ADGRL2: variants seen among roughly 807,000 people sequenced by gnomAD.
ADGRL2 encodes the protein adhesion G protein-coupled receptor L2.
A neutral mutation model predicts 157.4 loss-of-function variants in ADGRL2; 44 were observed. The observed-to-expected ratio is 0.28, with a 90% CI of 0.22 to 0.36. The LOEUF is 0.36. Ranked by LOEUF, ADGRL2 falls within the 10% of genes least tolerant of loss-of-function variation. ADGRL2 has a pLI of 1.00. For synonymous variants in ADGRL2, 585 were observed against 624.7 expected (o/e 0.94, Z 0.95); for missense variants, 1,510 against 1,768.9 (o/e 0.85, Z 2.63).
intron 3 of ADGRL2, among the ~76,000 whole-genome samples, chr1:81,664,540 A>C (rs538491728): frequency 4.1e-4 from 62 of 152,290 alleles, no homozygotes; most frequent in African/African-American, 1.5e-3. Flanking sequence ...CCTTTTTGTG[A>C]ATCAAATTCT....
intron 2 of ADGRL2, among the ~76,000 whole-genome samples, chr1:81,551,917 G>A (rs923799177): frequency 6.6e-6 from 1 of 152,186 alleles, no homozygotes; most frequent in African/African-American, 2.4e-5. Context: ...TAACTGAAAT[G>A]TATTAGTGGG....
rs2076572970 is a variant in ADGRL2 at position 81,392,228 on chromosome 1, A to AG, written c.-301-52808_-301-52807insG. Among the ~76,000 whole-genome samples, 6 of 9,216 alleles carry AG rather than the reference A, an allele frequency of 6.5e-4. No homozygotes were observed. In the South Asian group the frequency reaches 0.022, roughly 33 times the overall value. The allele number at this position is 9,216 out of a possible 152,430, so 6.0% of individuals were successfully genotyped here. On this transcript the variant is annotated intron_variant, in intron 1 of 24. Coordinates refer to the ADGRL2 transcript ENST00000370721. ...ACACTTCCTCCTACCCCATCCCCAC[A>AG]AAAAAAAAAACAAAGAAGCAACATT...
At chr1:81,888,419 A>G (rs1337289488) in intron 2 of ADGRL2, among the ~76,000 whole-genome samples, 1 of 152,052 alleles carries the variant, frequency 6.6e-6, no homozygotes, top group Non-Finnish European at 1.5e-5. Flanking sequence ...AGCTTTGTAG[A>G]TATTGCATTG....
At chr1:81,390,882 A>T (rs528214944) in intron 1 of ADGRL2, among the ~76,000 whole-genome samples, 3 of 152,420 alleles carry the variant, frequency 2.0e-5, no homozygotes, top group South Asian at 4.1e-4. Context: ...TATTGCAAAG[A>T]TGCTGCCACA....
intron 2 of ADGRL2, among the ~76,000 whole-genome samples, chr1:81,905,373 C>T (rs185139304): frequency 2.0e-5 from 3 of 152,156 alleles, no homozygotes; most frequent in Non-Finnish European, 4.4e-5. Context: ...GCTGGGATTA[C>T]AAGCGTGAAC....
chr1:81,769,547 G>T (rs2149340135), intron 2 of ADGRL2, among the ~76,000 whole-genome samples: 1 of 151,694 alleles, frequency 6.6e-6, no homozygotes, highest in Non-Finnish European at 1.5e-5. Flanking sequence ...TGGTCAATTT[G>T]TCTATCCCTT....
At position 81,378,589 on chromosome 1, in the gene ADGRL2, C is replaced by G. The variant is rs576256394; in HGVS notation, c.-301-66447C>G. On this transcript the variant is annotated intron_variant, in intron 1 of 24. Transcript: ENST00000370721. ...CTTAAAAAAAAAAAAAAAAAAAAGC[C>G]CCGGTTCAAACTGTAGTTCTGTTGT... Among the ~76,000 whole-genome samples, 172 of 134,692 alleles carry G rather than the reference C, an allele frequency of 1.3e-3. 3 individuals are homozygous for G. The highest frequency in any genetic ancestry group is 0.011 in the South Asian group (42 of 3,960). 88.4% of individuals were successfully genotyped at this position (134,692 alleles called of 152,430 possible).
At chr1:81,774,789 T>A (rs1321376182) in intron 2 of ADGRL2, among the ~76,000 whole-genome samples, 1 of 152,090 alleles carries the variant, frequency 6.6e-6, no homozygotes, top group East Asian at 1.9e-4. Context: ...ATTTTCTTGT[T>A]GAAGTTATGT....
intron 1 of ADGRL2, among the ~76,000 whole-genome samples, chr1:81,743,394 T>TG (rs1491409886): frequency 1.5e-4 from 3 of 20,084 alleles, no homozygotes; most frequent in Non-Finnish European, 2.9e-4. Context: ...TAACAGAAGG[T>TG]TTTTTTTTTT....
chr1:81,444,389 T>C (rs767527787), intron 1 of ADGRL2, among the ~76,000 whole-genome samples: 2 of 152,216 alleles, frequency 1.3e-5, no homozygotes, highest in African/African-American at 2.4e-5. Context: ...AGCCATTTTA[T>C]GTTTTTACAT....
chr1:81,788,671 A>G (rs11163376), intron 2 of ADGRL2, among the ~76,000 whole-genome samples: 135,500 of 152,230 alleles, frequency 0.89, 60,453 homozygotes, highest in East Asian at 0.97. Context: ...GCTAATATAC[A>G]CCAAATGCTG....
intron 2 of ADGRL2, among the ~76,000 whole-genome samples, chr1:81,547,072 A>G (rs1487024415): frequency 6.6e-6 from 1 of 152,134 alleles, no homozygotes; most frequent in Non-Finnish European, 1.5e-5. Flanking sequence ...TCTACCGTGA[A>G]TGGCTTCATT....
upstream of ADGRL2, among the ~76,000 whole-genome samples, chr1:81,796,071 A>G (rs984450497): frequency 6.6e-6 from 1 of 151,994 alleles, no homozygotes; most frequent in African/African-American, 2.4e-5. Flanking sequence ...GCTCACTGCA[A>G]CCTCTGACCC....
intron 1 of ADGRL2, among the ~76,000 whole-genome samples, chr1:81,321,692 G>A (rs1391131527): frequency 1.3e-5 from 2 of 152,072 alleles, no homozygotes; most frequent in East Asian, 3.9e-4. Flanking sequence ...GGCTCATGGT[G>A]TTCCTGAAGA....
intron 1 of ADGRL2, among the ~76,000 whole-genome samples, chr1:81,823,332 C>A (rs945061957): frequency 1.3e-5 from 2 of 149,456 alleles, no homozygotes; most frequent in African/African-American, 4.9e-5. Context: ...TCCTTCCTTC[C>A]TTCCTTCTTC....
intron 3 of ADGRL2, among the ~76,000 whole-genome samples, chr1:81,610,474 A>G (rs2081519614): frequency 6.6e-6 from 1 of 152,196 alleles, no homozygotes; most frequent in South Asian, 2.1e-4. Context: ...GAAGGAGGGC[A>G]GATGGGATCA....
At chr1:81,711,056 C>T (rs1419327953) in intron 1 of ADGRL2, among the ~76,000 whole-genome samples, 3 of 152,240 alleles carry the variant, frequency 2.0e-5, no homozygotes, top group East Asian at 3.9e-4. Context: ...CATATGTCAG[C>T]ATATTTCATG....
At chr1:81,462,946 T>A (rs2077970102) in intron 2 of ADGRL2, among the ~76,000 whole-genome samples, 1 of 151,174 alleles carries the variant, frequency 6.6e-6, no homozygotes. Context: ...AAAACCCAAT[T>A]TCTACAAAAA....
chr1:81,573,525 T>G (rs2080737156), intron 2 of ADGRL2, among the ~76,000 whole-genome samples: 1 of 152,166 alleles, frequency 6.6e-6, no homozygotes, highest in Non-Finnish European at 1.5e-5. Flanking sequence ...ATTGCAATAG[T>G]ATTTTATAAT....
Sources: allele counts gnomAD v4.1 joint callset (sites outside exome capture counted in the v4.1 genomes callset), GRCh38; gene constraint gnomAD v4.1.1; transcripts MANE v1.5; gene names NCBI Gene and HGNC (gene_info 2026-07-23, HGNC 2026-07-21).